NAA11: variants seen among roughly 807,000 people sequenced by gnomAD.
The protein encoded by NAA11 is N-alpha-acetyltransferase 11, NatA catalytic subunit, also known as N-alpha-acetyltransferase 11.
NAA11 carries 15 observed loss-of-function variants against 16.1 expected under a neutral mutation model. The observed-to-expected ratio is 0.93, with a 90% CI of 0.62 to 1.44. The LOEUF is 1.44. Among genes scored for constraint, NAA11 ranks in the 40% most tolerant of loss-of-function variants. The pLI, the probability that NAA11 is intolerant of heterozygous loss-of-function variation, is 0.00. For missense variants in NAA11, 298 were observed against 291.3 expected, an observed-to-expected ratio of 1.02 and a Z score of -0.17; for synonymous variants, 122 against 112.4, an observed-to-expected ratio of 1.09 and a Z score of -0.54.
intron 1 of NAA11, among the ~76,000 whole-genome samples, chr4:79,294,857 G>A (rs1723173658): frequency 6.6e-6 from 1 of 152,012 alleles, no homozygotes. Flanking sequence ...CTGAACTCTT[G>A]AAGGAAAAAC....
chr4:79,158,721 A>ATG, the NAA11 span, among the ~76,000 whole-genome samples: 2 of 146,972 alleles, frequency 1.4e-5, no homozygotes, highest in Non-Finnish European at 1.5e-5. Context: ...ATATATATAT[A>ATG]TGGCTATAGT....
chr4:79,155,869 C>G, the NAA11 span, among the ~76,000 whole-genome samples: 3 of 152,186 alleles, frequency 2.0e-5, no homozygotes, highest in African/African-American at 7.2e-5. Context: ...GTAGGTCTGG[C>G]TATCCTTAAA....
rs193094993 is a variant in NAA11, at chr4:79,324,938, C to T, written c.*12+238G>A. Among the ~76,000 whole-genome samples the T allele has an allele frequency of 2.5e-3, 377 of 152,252 alleles. 2 individuals are homozygous for T. The highest frequency in any genetic ancestry group is 4.3e-3 in the Non-Finnish European group (295 of 68,022). Reference sequence around the variant, plus strand: ...TCATGCCCAAAAAGCAGGATAAATGCTTGTTTCTTCATTGAAATTAATCTA... The same window carrying T: ...TCATGCCCAAAAAGCAGGATAAATGTTTGTTTCTTCATTGAAATTAATCTA... On this transcript the variant is annotated intron_variant, in intron 1 of 1. Coordinates refer to ENST00000286794, the MANE Select transcript of NAA11 (RefSeq NM_032693.3).
At chr4:79,249,784 A>C (rs1721952161) in intron 2 of NAA11, among the ~76,000 whole-genome samples, 1 of 152,224 alleles carries the variant, frequency 6.6e-6, no homozygotes, top group Non-Finnish European at 1.5e-5. Flanking sequence ...ACTACACAAG[A>C]ATACCTTCTC....
the NAA11 span, among the ~76,000 whole-genome samples, chr4:79,188,871 C>T: frequency 1.3e-5 from 2 of 151,894 alleles, no homozygotes; most frequent in South Asian, 2.1e-4. Context: ...GAATGAAGGG[C>T]GAAGAAGAAA....
At chr4:79,204,956 C>CACACACACACAT in the NAA11 span, among the ~76,000 whole-genome samples, 1 of 151,288 alleles carries the variant, frequency 6.6e-6, no homozygotes, top group African/African-American at 2.4e-5. Flanking sequence ...CACACACACA[C>CACACACACACAT]ATTATTCCAT....
the NAA11 span, among the ~76,000 whole-genome samples, chr4:79,208,500 CA>C: frequency 6.6e-6 from 1 of 151,984 alleles, no homozygotes; most frequent in Admixed American, 6.6e-5. Context: ...TTCTATTGGA[CA>C]AAGGGTGGGC....
At chr4:79,321,578 G>C (rs1460016757) in intron 1 of NAA11, among the ~76,000 whole-genome samples, 1 of 152,058 alleles carries the variant, frequency 6.6e-6, no homozygotes, top group Non-Finnish European at 1.5e-5. Context: ...AAACAATTCT[G>C]TATTTTCATC....
At chr4:79,293,130 TG>T (rs1347037288) in intron 2 of NAA11, among the ~76,000 whole-genome samples, 1 of 152,206 alleles carries the variant, frequency 6.6e-6, no homozygotes, top group Non-Finnish European at 1.5e-5. Context: ...TTTAACACTG[TG>T]TTTTGCATGC....
intron 2 of NAA11, among the ~76,000 whole-genome samples, chr4:79,246,340 TC>T (rs749303563): frequency 0.011 from 1,584 of 144,030 alleles, 19 homozygotes; most frequent in Non-Finnish European, 0.017. Context: ...GCCAAATCCC[TC>T]TCTCCGAGAA....
At chr4:79,170,419 G>A in the NAA11 span, among the ~76,000 whole-genome samples, 1 of 152,124 alleles carries the variant, frequency 6.6e-6, no homozygotes, top group Admixed American at 6.6e-5. Flanking sequence ...ATTATAAAGA[G>A]AGGACATTCA....
chr4:79,208,854 A>T, the NAA11 span, among the ~76,000 whole-genome samples: 7 of 150,182 alleles, frequency 4.7e-5, no homozygotes, highest in East Asian at 3.9e-4. Context: ...AAAAATAAAT[A>T]AATTAAAATA....
In NAA11 at chr4:79,316,878, T is replaced by C. The variant is rs758821840; in HGVS notation, c.*926A>G. The C allele has an allele frequency of 2.0e-5, 3 of 152,126 alleles. No individual in the cohort carries two copies. Among genetic ancestry groups the C allele is most frequent in the Non-Finnish European group, 2.9e-5 (2 of 68,000 alleles). The allele number at this position is 152,126 out of a possible 1,614,324, so 9.4% of individuals were successfully genotyped here. On this transcript the variant is annotated 3_prime_UTR_variant, in exon 2 of 2. Transcript: ENST00000286794. ...AATGCAAAGAGTAGGAACAGAAAAGTAGAAGGAACTTTGGCTTTGAATTCA... is the reference window on the plus strand; with the variant it reads ...AATGCAAAGAGTAGGAACAGAAAAGCAGAAGGAACTTTGGCTTTGAATTCA...
intron 2 of NAA11, among the ~76,000 whole-genome samples, chr4:79,235,013 A>C (rs1030216016): frequency 5.9e-5 from 9 of 152,128 alleles, no homozygotes; most frequent in Admixed American, 3.3e-4. Context: ...TAATAAAGAA[A>C]TGTAGGCCAA....
At chr4:79,220,917 A>T (rs1220244963), downstream of NAA11, among the ~76,000 whole-genome samples, 1 of 151,992 alleles carries the variant, frequency 6.6e-6, no homozygotes, top group Non-Finnish European at 1.5e-5. Flanking sequence ...GAAGAAAGTC[A>T]TTGGTAGCTT....
Position 79,325,242 on chromosome 4 carries a change from A to T in NAA11, c.636T>A (p.Ser212=). ...TGTCCTGGACGTTGGTGCTCTCCAC[A>T]GACTCCTTAGGTTCTTTGCTGTCAC... ...SGSDSKEPKE[S]VESTNVQDSS... is the part of the protein sequence containing the mutation. Residue 212 remains serine, a synonymous_variant, in exon 1 of 2, where the codon TCT becomes TCA. Transcript: ENST00000286794. 2 of 1,613,592 alleles carry T rather than the reference A, an allele frequency of 1.2e-6. No individual in the cohort carries two copies. The highest frequency in any genetic ancestry group is 1.7e-6 in the Non-Finnish European group (2 of 1,179,708).
chr4:79,240,465 C>T (rs1721667400), intron 2 of NAA11, among the ~76,000 whole-genome samples: 1 of 152,144 alleles, frequency 6.6e-6, no homozygotes, highest in Admixed American at 6.5e-5. Context: ...GTCTGGAAAT[C>T]AAAGGGTAGG....
intron 2 of NAA11, among the ~76,000 whole-genome samples, chr4:79,241,445 C>A (rs1721694587): frequency 6.6e-6 from 1 of 152,166 alleles, no homozygotes; most frequent in Non-Finnish European, 1.5e-5. Flanking sequence ...AGGGTTGGCA[C>A]CTCTAACCTC....
At chr4:79,184,368 A>G in the NAA11 span, among the ~76,000 whole-genome samples, 1 of 152,204 alleles carries the variant, frequency 6.6e-6, no homozygotes, top group Non-Finnish European at 1.5e-5. Flanking sequence ...GAAACAAATA[A>G]AATCACTAAA....
Sources: allele counts gnomAD v4.1 joint callset (sites outside exome capture counted in the v4.1 genomes callset), GRCh38; gene constraint gnomAD v4.1.1; transcripts MANE v1.5; gene names NCBI Gene and HGNC (gene_info 2026-07-23, HGNC 2026-07-21).